PCDHGB2: variants seen among roughly 807,000 people sequenced by gnomAD.
PCDHGB2 encodes the protein protocadherin gamma-B2.
In PCDHGB2, 55 loss-of-function variants were observed where a neutral mutation model predicts 59.3. The observed-to-expected ratio is 0.93, with a 90% CI of 0.75 to 1.16. The LOEUF (loss-of-function observed/expected upper bound fraction) is 1.16, where lower values mean the gene tolerates loss of function less well. Among genes scored for constraint, PCDHGB2 ranks in the 50% most tolerant of loss-of-function variants. PCDHGB2 has a pLI of 0.00. For synonymous variants in PCDHGB2, 516 were observed against 512.0 expected, an observed-to-expected ratio of 1.01 and a Z score of -0.11; for missense variants, 1,228 against 1,198.5, an observed-to-expected ratio of 1.02 and a Z score of -0.36.
intron 1 of PCDHGB2, chr5:141,418,374 T>C: frequency 1.2e-6 from 2 of 1,613,968 alleles, no homozygotes; most frequent in Non-Finnish European, 1.7e-6. Flanking sequence ...AAATACCAAC[T>C]AAGTCCTAAC....
intron 1 of PCDHGB2, among the ~76,000 whole-genome samples, chr5:141,368,405 A>T (rs1414658123): frequency 1.3e-5 from 2 of 152,154 alleles, no homozygotes; most frequent in Admixed American, 1.3e-4. Flanking sequence ...ACACACATAC[A>T]TACACACATG....
chr5:141,375,834 C>G lies in PCDHGB2; in HGVS notation c.2421+13278C>G, dbSNP rs1167436208. On this transcript the variant is annotated intron_variant, in intron 1 of 3. Transcript: ENST00000522605. ...GAGCTGGCGCCCCGCTCCGCAGAGC[C>G]CGGCTACCTGGTGACCAAGGTGGTG... is the stretch of plus-strand genomic sequence containing the variant. The G allele has an allele frequency of 2.1e-5, 34 of 1,614,138 alleles. No individual in the cohort carries two copies. The highest frequency in any genetic ancestry group is 2.7e-5 in the African/African-American group (2 of 75,080).
intron 1 of PCDHGB2, among the ~76,000 whole-genome samples, chr5:141,455,907 ATTTATTTT>A (rs1199495676): frequency 7.1e-5 from 9 of 126,872 alleles, no homozygotes; most frequent in African/African-American, 1.1e-4. Context: ...TTATTTATTT[ATTTATTTT>A]GAGACGGAGT....
intron 1 of PCDHGB2, chr5:141,417,735 C>T (rs1408012587): frequency 1.4e-6 from 2 of 1,398,382 alleles, no homozygotes; most frequent in African/African-American, 2.9e-5. Flanking sequence ...CCTTGCCCAG[C>T]ACACCAGATT....
chr5:141,403,163 A>C, intron 1 of PCDHGB2: 1 of 1,614,052 alleles, frequency 6.2e-7, no homozygotes, highest in South Asian at 1.1e-5. Flanking sequence ...CTCTAGAGGT[A>C]GGACGCAGCT....
intron 1 of PCDHGB2, among the ~76,000 whole-genome samples, chr5:141,475,250 A>G (rs941738675): frequency 6.6e-6 from 1 of 152,246 alleles, no homozygotes; most frequent in Non-Finnish European, 1.5e-5. Context: ...AGTGTGCTCT[A>G]CAACTGAGAT....
chr5:141,426,806 T>C (rs1390972821), intron 1 of PCDHGB2: 1 of 456,600 alleles, frequency 2.2e-6, no homozygotes, highest in Non-Finnish European at 4.4e-6. Context: ...TCAGTTCTAA[T>C]GAACATTTCT....
At chr5:141,505,239 G>A (rs2099844708) in intron 2 of PCDHGB2, 154 bp from the exon 3 acceptor site, 1 of 886,092 alleles carries the variant, frequency 1.1e-6, no homozygotes, top group Middle Eastern at 5.9e-4. Context: ...GCTTCTGAAG[G>A]ATTGTAGAAG....
intron 1 of PCDHGB2, among the ~76,000 whole-genome samples, chr5:141,467,421 G>T (rs957302311): frequency 6.6e-6 from 1 of 152,100 alleles, no homozygotes; most frequent in African/African-American, 2.4e-5. Flanking sequence ...CCACACCTAG[G>T]TTATAGAAAC....
intron 1 of PCDHGB2, chr5:141,410,195 G>T (rs769655902): frequency 1.2e-6 from 2 of 1,613,966 alleles, no homozygotes; most frequent in East Asian, 4.5e-5. Context: ...TCTGGTCTTC[G>T]CAGACAACTT....
chr5:141,423,149 A>G (rs763488632), intron 1 of PCDHGB2: 2 of 1,613,554 alleles, frequency 1.2e-6, no homozygotes, highest in Non-Finnish European at 8.5e-7. Context: ...GCGCTCAAGC[A>G]GAGCCTCGTG....
rs2099615088 is a variant in PCDHGB2, at chr5:141,485,526, G to A, written c.2422-9281G>A. On this transcript the variant is annotated intron_variant, in intron 1 of 3. Coordinates refer to ENST00000522605, the MANE Select transcript of PCDHGB2 (RefSeq NM_018923.3). The surrounding 1 kb of genome is among the most constrained non-coding windows in gnomAD (Gnocchi z 5.7). Reference sequence around the variant, plus strand: ...ACCGAAGGTCCTTTGGAAATGTACCGAGCAGAGGTAGAGATCGTAGATGTG... The same window carrying A: ...ACCGAAGGTCCTTTGGAAATGTACCAAGCAGAGGTAGAGATCGTAGATGTG... 6.2e-7 allele frequency: 1 copy of A among 1,614,154 alleles called. No individual in the cohort carries two copies. The highest frequency in any genetic ancestry group is 2.2e-5 in the East Asian group (1 of 44,880).
At chr5:141,375,185 C>G in intron 1 of PCDHGB2, 1 of 1,613,948 alleles carries the variant, frequency 6.2e-7, no homozygotes, top group Non-Finnish European at 8.5e-7. Context: ...AGTAATCGCC[C>G]TTTTTCAAGT....
intron 1 of PCDHGB2, chr5:141,398,032 C>A: frequency 6.8e-7 from 1 of 1,469,940 alleles, no homozygotes; most frequent in South Asian, 1.4e-5. Flanking sequence ...GGAACTGGAA[C>A]TAAAGCCCGT....
chr5:141,414,302 A>G (rs2095732200), intron 1 of PCDHGB2: 3 of 1,613,678 alleles, frequency 1.9e-6, no homozygotes, highest in Non-Finnish European at 2.5e-6. Flanking sequence ...TTAAATGTGC[A>G]TGATTTAGAC....
intron 1 of PCDHGB2, among the ~76,000 whole-genome samples, chr5:141,373,439 C>T (rs9324846): frequency 0.027 from 4,173 of 152,294 alleles, 185 homozygotes; most frequent in African/African-American, 0.096. Context: ...GGGAGGATCC[C>T]TTGATCCCAG....
chr5:141,387,021 G>A (rs1385427303), intron 1 of PCDHGB2, among the ~76,000 whole-genome samples: 1 of 152,158 alleles, frequency 6.6e-6, no homozygotes, highest in Non-Finnish European at 1.5e-5. Context: ...GAAGATGAAT[G>A]TTGTATTTCA....
intron 1 of PCDHGB2, among the ~76,000 whole-genome samples, chr5:141,380,102 G>C (rs1776217775): frequency 6.6e-6 from 1 of 151,848 alleles, no homozygotes; most frequent in Non-Finnish European, 1.5e-5. Flanking sequence ...GTTTTACCAT[G>C]ATGGCCAGGC....
At position 141,418,815 on chromosome 5, in the gene PCDHGB2, T is replaced by C. The variant is rs368396202; in HGVS notation, c.2421+56259T>C. The stretch of plus-strand genomic sequence containing the variant: ...GAAGTAGAAAGATATACGATAAACA[T>C]AGAAGCAAAAGACCGAGGATCTCTC... On this transcript the variant is annotated intron_variant, in intron 1 of 3. Transcript: ENST00000522605. 509 of 1,613,744 alleles carry C rather than the reference T, an allele frequency of 3.2e-4. No homozygotes were observed. The highest frequency in any genetic ancestry group is 4.1e-4 in the Non-Finnish European group (488 of 1,179,804).
Sources: gnomAD v4.1 joint callset for allele counts (sites outside exome capture counted in the v4.1 genomes callset) on GRCh38, gnomAD v4.1.1 for gene constraint, Gnocchi (gnomAD v3.1) non-coding constraint, MANE v1.5 for transcripts, NCBI Gene and HGNC (gene_info 2026-07-23, HGNC 2026-07-21) for gene names.